IVNS1ABP: variants seen among roughly 807,000 people sequenced by gnomAD.
IVNS1ABP encodes the protein influenza virus NS1A-binding protein.
In IVNS1ABP, 25 loss-of-function variants were observed where a neutral mutation model predicts 78.9. The ratio of observed to expected loss-of-function variants is 0.32; its 90% CI spans 0.23 to 0.44. IVNS1ABP has a LOEUF of 0.44. Ranked by LOEUF, IVNS1ABP falls within the 20% of genes least tolerant of loss-of-function variation. The pLI, the probability that IVNS1ABP is intolerant of heterozygous loss-of-function variation, is 1.00. For missense variants in IVNS1ABP, 494 were observed against 768.9 expected (o/e 0.64, Z 4.23); for synonymous variants, 241 against 259.7 (o/e 0.93, Z 0.69).
rs1377101448 is a variant in IVNS1ABP, at chr1:185,300,051, A to T, written c.1449T>A (p.Asp483Glu). The T allele has an allele frequency of 1.2e-6, 2 of 1,613,564 alleles. No homozygotes were observed. Among genetic ancestry groups the T allele is most frequent in the Non-Finnish European group, 1.7e-6 (2 of 1,179,730 alleles). Reference protein sequence around the residue: ...PYGQKGLKNCDVFDPVTKLWT... With the variant: ...PYGQKGLKNCEVFDPVTKLWT... ...ACAACTTTGTTACAGGATCAAATAC[A>T]TCACAATTTTTCAGTCCTTTTTGAC... The change falls in exon 13 of 15, where the codon GAT becomes GAA. Residue 483 changes from aspartate to glutamate, a missense_variant. Asp to Glu is a conservative substitution (Grantham distance 45). Coordinates refer to ENST00000367498, the MANE Select transcript of IVNS1ABP (RefSeq NM_006469.5).
chr1:185,315,816 C>G (rs550107043), intron 1 of IVNS1ABP, among the ~76,000 whole-genome samples: 2 of 152,270 alleles, frequency 1.3e-5, no homozygotes, highest in South Asian at 4.1e-4. Flanking sequence ...AAGAGTGGTA[C>G]TAGGCTTCCA....
rs1460872143 is a variant in IVNS1ABP at position 185,298,060 on chromosome 1, G to A, written c.1904C>T (p.Pro635Leu). The stretch of plus-strand genomic sequence containing the variant: ...TTAAAACTGGAAAATCTTTGTATAG[G>A]GGCTCCATTCATTTGACTCAAGGTT... ...VYNLESNEWS[P>L]YTKIFQF Residue 635 changes from proline (P) to leucine (L), a missense_variant, in exon 15 of 15, where the codon CCC becomes CTC. Physicochemically the swap from Pro to Leu is moderately conservative, Grantham distance 98. Transcript: ENST00000367498. This position sits in a 1 kb window ranked among gnomAD's most constrained non-coding sequence, Gnocchi z 4.1. 10 of 1,613,320 alleles carry A rather than the reference G, an allele frequency of 6.2e-6. No individual in the cohort carries two copies. The Admixed American group carries it at 6.7e-5, about 11-fold the overall frequency.
chr1:185,310,498 C>T (rs532618583), intron 2 of IVNS1ABP, among the ~76,000 whole-genome samples: 10 of 152,098 alleles, frequency 6.6e-5, no homozygotes, highest in Non-Finnish European at 1.2e-4. Context: ...ATCCCAGCTA[C>T]TTGTGGGGGC....
Position 185,300,520 on chromosome 1 carries a change from A to G in IVNS1ABP, c.1159T>C (p.Cys387Arg), listed in dbSNP as rs753632316. The change falls in exon 11 of 15, where the codon TGC becomes CGC. Residue 387 changes from cysteine to arginine, a missense_variant. Transcript: ENST00000367498. ...CAGTGATCTGTATGTGGATTATAGC[A>G]TTCGACTGTTCGAAGACATTCCTCT... is the stretch of plus-strand genomic sequence containing the variant. ...NREECLRTVECYNPHTDHWSF... is the reference protein window; with the variant it reads ...NREECLRTVERYNPHTDHWSF... 1.9e-6 allele frequency: 3 copies of G among 1,613,556 alleles called. No individual in the cohort carries two copies. Among genetic ancestry groups the G allele is most frequent in the Non-Finnish European group, 2.5e-6 (3 of 1,179,580 alleles).
Position 185,298,446 on chromosome 1 carries a change from ACT to A in IVNS1ABP, c.1676-160_1676-159del. On this transcript the variant is annotated intron_variant, in intron 14 of 14. Transcript: ENST00000367498. This position sits in a 1 kb window ranked among gnomAD's most constrained non-coding sequence, Gnocchi z 4.1. ...TTATTAAATGCCTAATATGACAAAT[ACT>A]CTCTAAGAGCTGGGAATCAAATCAA... 1.5e-6 allele frequency: 1 copy of A among 667,004 alleles called. No individual in the cohort carries two copies. Among genetic ancestry groups the A allele is most frequent in the Non-Finnish European group, 2.5e-6 (1 of 402,082 alleles). The allele number at this position is 667,004 out of a possible 1,614,324, so 41.3% of individuals were successfully genotyped here.
chr1:185,313,960 A>G (rs1665949551), intron 1 of IVNS1ABP, among the ~76,000 whole-genome samples: 1 of 152,200 alleles, frequency 6.6e-6, no homozygotes, highest in African/African-American at 2.4e-5. Flanking sequence ...GCTTAAGTGA[A>G]ATACAATTCA....
chr1:185,298,079 C>T lies in IVNS1ABP; in HGVS notation c.1885G>A (p.Glu629Lys). ...GTATAGGGGCTCCATTCATTTGACT[C>T]AAGGTTATAGACTTCCACCGTATTC... Reference protein sequence around the residue: ...FLNTVEVYNLESNEWSPYTKI... With the variant: ...FLNTVEVYNLKSNEWSPYTKI... Residue 629 changes from glutamate (E) to lysine (K), a missense_variant, in exon 15 of 15, where the codon GAG becomes AAG. Transcript: ENST00000367498. The surrounding 1 kb of genome is among the most constrained non-coding windows in gnomAD (Gnocchi z 4.1). 6.2e-7 allele frequency: 1 copy of T among 1,613,658 alleles called. No individual in the cohort carries two copies. Among genetic ancestry groups the T allele is most frequent in the East Asian group, 2.2e-5 (1 of 44,858 alleles).
intron 1 of IVNS1ABP, among the ~76,000 whole-genome samples, chr1:185,312,427 A>G (rs1274132173): frequency 1.3e-5 from 2 of 152,226 alleles, no homozygotes; most frequent in Admixed American, 1.3e-4. Flanking sequence ...TATTTGCCTT[A>G]TACATCAATA....
In IVNS1ABP at chr1:185,298,966, G is replaced by C. The variant is rs1235603024; in HGVS notation, c.1676-678C>G. 6.6e-6 allele frequency: 1 copy of C among 152,212 alleles called. No homozygotes were observed. Among genetic ancestry groups the C allele is most frequent in the Non-Finnish European group, 1.5e-5 (1 of 68,062 alleles). 9.4% of individuals were successfully genotyped at this position (152,212 alleles called of 1,614,324 possible). ...ACAGAGTTATGATTATTTTCAAATA[G>C]ATAAAATGTTAGCAATAAATACTCC... is the stretch of plus-strand genomic sequence containing the variant. On this transcript the variant is annotated intron_variant, in intron 14 of 14. Transcript: ENST00000367498. The surrounding 1 kb of genome is among the most constrained non-coding windows in gnomAD (Gnocchi z 4.1).
rs1029929789 is a variant in IVNS1ABP, at chr1:185,309,234, C to G, written c.112-62G>C. 5.5e-6 allele frequency: 7 copies of G among 1,281,654 alleles called. No homozygotes were observed. In the African/African-American group the frequency reaches 9.1e-5, roughly 17 times the overall value. The allele number at this position is 1,281,654 out of a possible 1,614,324, so 79.4% of individuals were successfully genotyped here. ...GATTATGTGCTTCTCTAGCTAATTA[C>G]TATATCAGATTCCTTTATCTTACAT... On this transcript the variant is annotated intron_variant, in intron 3 of 14. Coordinates refer to ENST00000367498, the MANE Select transcript of IVNS1ABP (RefSeq NM_006469.5).
At chr1:185,306,377 G>T in intron 7 of IVNS1ABP, 1 of 908,138 alleles carries the variant, frequency 1.1e-6, no homozygotes, top group Non-Finnish European at 1.5e-6. Context: ...TTTATCTTGT[G>T]TATTTTTTTT....
At chr1:185,310,464 C>T (rs549285752) in intron 2 of IVNS1ABP, among the ~76,000 whole-genome samples, 8 of 152,158 alleles carry the variant, frequency 5.3e-5, no homozygotes, top group Admixed American at 1.3e-4. Flanking sequence ...AAAATTTAGC[C>T]AGGCATGGTG....
rs1665880642 is a variant in IVNS1ABP, at chr1:185,311,329, C to T, written c.-246-7G>A. ...GATAATGATGCATCATAATCTATAA[C>T]AATGATAAATTTAAGTTAGATATTC... On this transcript the variant is annotated splice_region_variant and splice_polypyrimidine_tract_variant and intron_variant, in intron 1 of 14. Transcript: ENST00000367498. The T allele has an allele frequency of 5.0e-6, 2 of 397,304 alleles. No individual in the cohort carries two copies. The highest frequency in any genetic ancestry group is 2.5e-4 in the South Asian group (2 of 7,848). 24.6% of individuals were successfully genotyped at this position (397,304 alleles called of 1,614,324 possible).
chr1:185,308,654 G>A (rs973535458), intron 5 of IVNS1ABP, 146 bp downstream of exon 5: 1 of 652,754 alleles, frequency 1.5e-6, no homozygotes, highest in African/African-American at 1.8e-5. Flanking sequence ...TAGCCAAACA[G>A]TTAAAATAAC....
rs1170091702 is a variant in IVNS1ABP at position 185,309,111 on chromosome 1, A to G, written c.173T>C (p.Phe58Ser). 2 of 1,612,746 alleles carry G rather than the reference A, an allele frequency of 1.2e-6. No individual in the cohort carries two copies. The highest frequency in any genetic ancestry group is 8.5e-7 in the Non-Finnish European group (1 of 1,179,124). The change falls in exon 4 of 15, where the codon TTT (phenylalanine) becomes TCT (serine). Residue 58 changes from phenylalanine (F) to serine (S), a missense_variant. By Grantham distance (155) the Phe-to-Ser change is radical. Coordinates refer to ENST00000367498, the MANE Select transcript of IVNS1ABP (RefSeq NM_006469.5). The part of the protein sequence containing the change: ...AVLACCSPYL[F>S]EIFNSDSDPH... The stretch of plus-strand genomic sequence containing the variant: ...ATCACTATCACTATTAAAGATTTCA[A>G]ATAAATAGGGACTGCAGCAAGCTAG...
chr1:185,316,008 G>A (rs1006223661), intron 1 of IVNS1ABP, among the ~76,000 whole-genome samples: 3 of 152,148 alleles, frequency 2.0e-5, no homozygotes, highest in Admixed American at 2.0e-4. Flanking sequence ...CCTATTGGGG[G>A]AAAAAGTAAA....
In IVNS1ABP at chr1:185,299,979, AGG is replaced by A; in HGVS notation, c.1501+18_1501+19del. On this transcript the variant is annotated intron_variant, in intron 13 of 14. Transcript: ENST00000367498. Reference sequence around the variant, plus strand: ...GATTTGAAGGTCTTTAAAAAAAAAAAGGAAAAAAAATCAACTTACGAATGTTA... The same window carrying A: ...GATTTGAAGGTCTTTAAAAAAAAAAAAAAAAAAATCAACTTACGAATGTTA... 6.2e-7 allele frequency: 1 copy of A among 1,603,578 alleles called. No individual in the cohort carries two copies. Among genetic ancestry groups the A allele is most frequent in the South Asian group, 1.1e-5 (1 of 89,124 alleles).
intron 14 of IVNS1ABP, 108 bp downstream of exon 14, chr1:185,299,602 T>C (rs962925844): frequency 2.0e-6 from 2 of 1,001,318 alleles, no homozygotes; most frequent in Non-Finnish European, 3.2e-6. Flanking sequence ...AGATGACTGC[T>C]TCTGAATTCT....
At chr1:185,307,978 ATGATGT>A (rs1032792173) in intron 5 of IVNS1ABP, 15 of 1,549,948 alleles carry the variant, frequency 9.7e-6, no homozygotes, top group East Asian at 2.4e-5. Flanking sequence ...TACAGGAGAG[ATGATGT>A]TGATGTTGAA....
Sources: allele counts gnomAD v4.1 joint callset (sites outside exome capture counted in the v4.1 genomes callset), GRCh38; gene constraint gnomAD v4.1.1; non-coding constraint Gnocchi (gnomAD v3.1); transcripts MANE v1.5; gene names NCBI Gene and HGNC (gene_info 2026-07-23, HGNC 2026-07-21).